Variants in TRIM64B observed in about 807,000 individuals in gnomAD.
The protein encoded by TRIM64B is tripartite motif containing 64B.
For synonymous variants in TRIM64B, 17 were observed against 190.3 expected, an observed-to-expected ratio of 0.09 and a Z score of 7.50; for missense variants, 57 against 536.4, an observed-to-expected ratio of 0.11 and a Z score of 8.83.
chr11:89,878,065 T>C (rs1297059381), upstream of TRIM64B, among the ~76,000 whole-genome samples: 2 of 146,764 alleles, frequency 1.4e-5, no homozygotes, highest in Admixed American at 1.4e-4. Flanking sequence ...TAACCACTAC[T>C]ACATGCCCAC....
intron 5 of TRIM64B, among the ~76,000 whole-genome samples, chr11:89,871,475 G>A (rs1382613008): frequency 1.3e-5 from 2 of 152,186 alleles, no homozygotes; most frequent in Middle Eastern, 3.4e-3. Flanking sequence ...TCAATTTGCT[G>A]TGATGTGAGT....
At chr11:89,875,276 C>T (rs1456271515) in intron 1 of TRIM64B, among the ~76,000 whole-genome samples, 1 of 152,234 alleles carries the variant, frequency 6.6e-6, no homozygotes, top group Non-Finnish European at 1.5e-5. Flanking sequence ...TTTAAGGGAC[C>T]CTTCAGATAA....
intron 3 of TRIM64B, among the ~76,000 whole-genome samples, chr11:89,873,844 A>G (rs1950136239): frequency 7.6e-6 from 1 of 131,974 alleles, no homozygotes; most frequent in Non-Finnish European, 1.6e-5. Flanking sequence ...GAACTTTGTT[A>G]TATGTTATCT....
At chr11:89,873,497 AC>A (rs1950133397) in intron 3 of TRIM64B, among the ~76,000 whole-genome samples, 1 of 144,346 alleles carries the variant, frequency 6.9e-6, no homozygotes, top group African/African-American at 2.6e-5. Context: ...TCAGCAAGAG[AC>A]AGTGGAGTAA....
exon 3 of TRIM64B, chr11:89,874,263 C>T: frequency 1.4e-6 from 2 of 1,468,878 alleles, no homozygotes; most frequent in East Asian, 2.6e-5. Context: ...TATCCTCTTC[C>T]TTACTGACAC....
intron 3 of TRIM64B, among the ~76,000 whole-genome samples, chr11:89,873,787 T>G (rs1950135462): frequency 8.9e-6 from 1 of 112,650 alleles, no homozygotes; most frequent in Non-Finnish European, 1.8e-5. Flanking sequence ...TTCTAACGAT[T>G]TTAGATGATC....
chr11:89,876,721 CAAA>C (rs57069977), upstream of TRIM64B, among the ~76,000 whole-genome samples: 5 of 106,070 alleles, frequency 4.7e-5, no homozygotes, highest in Admixed American at 1.1e-4. Flanking sequence ...GACTCTGTCT[CAAA>C]AAAAAAAAAA....
intron 4 of TRIM64B, among the ~76,000 whole-genome samples, chr11:89,872,535 T>TA (rs1436596638): frequency 2.6e-5 from 4 of 151,776 alleles, no homozygotes; most frequent in Non-Finnish European, 5.9e-5. Context: ...TTCTCAGACA[T>TA]TATACAACTT....
intron 4 of TRIM64B, among the ~76,000 whole-genome samples, chr11:89,872,922 CTTTTTTTTT>C (rs34678191): frequency 7.4e-6 from 1 of 135,940 alleles, no homozygotes; most frequent in Non-Finnish European, 1.6e-5. Context: ...CTCCCTCTGT[CTTTTTTTTT>C]TTTTTTTTTT....
chr11:89,874,769 CA>C (rs1950146459), intron 2 of TRIM64B, among the ~76,000 whole-genome samples: 1 of 144,670 alleles, frequency 6.9e-6, no homozygotes, highest in Admixed American at 7.0e-5. Flanking sequence ...CTAGAATACA[CA>C]TCATGCCGTT....
At chr11:89,876,291 G>A (rs1422244370), upstream of TRIM64B, among the ~76,000 whole-genome samples, 3 of 143,360 alleles carry the variant, frequency 2.1e-5, no homozygotes, top group African/African-American at 7.5e-5. Context: ...ATTAGTAAAT[G>A]GTGTGAATTT....
At chr11:89,875,370 C>T (rs192959966) in intron 1 of TRIM64B, among the ~76,000 whole-genome samples, 186 of 152,350 alleles carry the variant, frequency 1.2e-3, no homozygotes, top group African/African-American at 4.3e-3. Context: ...CTCCACAGCT[C>T]CATTCTACAC....
chr11:89,876,570 A>C (rs1950165728), upstream of TRIM64B, among the ~76,000 whole-genome samples: 1 of 149,622 alleles, frequency 6.7e-6, no homozygotes, highest in East Asian at 2.0e-4. Flanking sequence ...AAAATACAAA[A>C]AATTAGCAGG....
At chr11:89,873,962 G>A (rs1950137375) in intron 3 of TRIM64B, 87 bp downstream of exon 4, 1 of 822,218 alleles carries the variant, frequency 1.2e-6, no homozygotes, top group Non-Finnish European at 2.0e-6. Flanking sequence ...GCTTAGAGCA[G>A]TGACATACGC....
chr11:89,877,509 A>G (rs1176032872), upstream of TRIM64B, among the ~76,000 whole-genome samples: 2 of 147,510 alleles, frequency 1.4e-5, no homozygotes, highest in African/African-American at 4.9e-5. Flanking sequence ...ATGGCCGCCA[A>G]TTCACCTTTC....
intron 5 of TRIM64B, among the ~76,000 whole-genome samples, chr11:89,871,473 C>T (rs1315922639): frequency 6.6e-6 from 1 of 152,044 alleles, no homozygotes; most frequent in Non-Finnish European, 1.5e-5. Flanking sequence ...CATCAATTTG[C>T]TGTGATGTGA....
chr11:89,875,445 C>A (rs1333415214), intron 1 of TRIM64B, among the ~76,000 whole-genome samples, 165 bp downstream of exon 2: 1 of 152,302 alleles, frequency 6.6e-6, no homozygotes, highest in Non-Finnish European at 1.5e-5. Flanking sequence ...GATTAGAGTG[C>A]CAAATTAGCC....
intron 5 of TRIM64B, 62 bp downstream of exon 6, chr11:89,872,153 T>G: frequency 1.3e-6 from 2 of 1,504,908 alleles, no homozygotes; most frequent in Non-Finnish European, 1.8e-6. Flanking sequence ...GGGAAAATCC[T>G]CAACCAAGGG....
intron 3 of TRIM64B, among the ~76,000 whole-genome samples, chr11:89,873,626 C>CATTG (rs1950134289): frequency 1.3e-5 from 1 of 77,058 alleles, no homozygotes; most frequent in African/African-American, 5.1e-5. Context: ...AAACAGAGTA[C>CATTG]ATGGACATTG....
Sources: allele counts gnomAD v4.1 joint callset (sites outside exome capture counted in the v4.1 genomes callset), GRCh38; gene constraint gnomAD v4.1.1; transcripts MANE v1.5; gene names NCBI Gene and HGNC (gene_info 2026-07-23, HGNC 2026-07-21).